The following PKP4 variants were observed in gnomAD, a reference collection of about 807,000 sequenced individuals.
The protein encoded by PKP4 is plakophilin 4, also known as plakophilin-4.
In PKP4, 90 loss-of-function variants were observed where a neutral mutation model predicts 145.1. The ratio of observed to expected loss-of-function variants is 0.62; its 90% CI spans 0.52 to 0.74. PKP4 has a LOEUF of 0.74. Ranked by LOEUF, PKP4 falls within the 30% of genes least tolerant of loss-of-function variation. PKP4 has a pLI of 0.00. For missense variants in PKP4, 1,340 were observed against 1,482.7 expected, an observed-to-expected ratio of 0.90 and a Z score of 1.58; for synonymous variants, 563 against 577.2, an observed-to-expected ratio of 0.98 and a Z score of 0.35.
chr2:158,607,151 A>G (rs763461039), intron 4 of PKP4, among the ~76,000 whole-genome samples: 10 of 152,184 alleles, frequency 6.6e-5, no homozygotes, highest in Non-Finnish European at 1.2e-4. Flanking sequence ...GAAAGATTGT[A>G]TTAATTTTCC....
At position 158,476,414 on chromosome 2, in the gene PKP4, T is replaced by G. The variant is rs373895135; in HGVS notation, c.-6+19196T>G. ...GGTGTGAGTATAGCTCACTGCAACC[T>G]TGACCTCCTGGGTTCAAGTGATCAT... On this transcript the variant is annotated intron_variant, in intron 1 of 21. Coordinates refer to ENST00000389759, the MANE Select transcript of PKP4 (RefSeq NM_003628.6). Among the ~76,000 whole-genome samples the G allele has an allele frequency of 1.3e-4, 20 of 152,292 alleles. 2 individuals are homozygous for G. Among genetic ancestry groups the G allele is most frequent in the South Asian group, 1.2e-3 (6 of 4,826 alleles).
chr2:158,520,023 T>A (rs927190809), intron 1 of PKP4, among the ~76,000 whole-genome samples: 16 of 152,200 alleles, frequency 1.1e-4, no homozygotes, highest in East Asian at 1.9e-4. Context: ...TCAAAAAGAT[T>A]TTCCTTTTTT....
intron 2 of PKP4, among the ~76,000 whole-genome samples, chr2:158,554,417 A>T (rs1429194124): frequency 4.0e-5 from 1 of 24,884 alleles, no homozygotes; most frequent in Non-Finnish European, 1.1e-4. Flanking sequence ...CTCAGAAATA[A>T]TTATTATTAT....
intron 1 of PKP4, among the ~76,000 whole-genome samples, chr2:158,531,473 A>G (rs1205407395): frequency 6.6e-6 from 1 of 152,196 alleles, no homozygotes; most frequent in Non-Finnish European, 1.5e-5. Context: ...CTTAAATGCT[A>G]ATCTAGGATC....
At chr2:158,562,440 C>T (rs1458416127) in intron 2 of PKP4, among the ~76,000 whole-genome samples, 2 of 152,094 alleles carry the variant, frequency 1.3e-5, no homozygotes, top group Non-Finnish European at 2.9e-5. Flanking sequence ...CTAGAGTAGT[C>T]GAATTCATAG....
rs2052657152 is a variant in PKP4, at chr2:158,625,275, GGTC to G, written c.1008_1010del (p.Ser337del). 1 of 1,614,054 alleles carries G rather than the reference GGTC, an allele frequency of 6.2e-7. No individual in the cohort carries two copies. Among genetic ancestry groups the G allele is most frequent in the Admixed American group, 1.7e-5 (1 of 60,004 alleles). On this transcript the variant is annotated inframe_deletion, in exon 7 of 22. Coordinates refer to ENST00000389759, the MANE Select transcript of PKP4 (RefSeq NM_003628.6). The stretch of plus-strand genomic sequence containing the variant: ...GCTTCCCCATCCCAAGGCCAGGTGG[GGTC>G]GTCGTCCCCCAAACGCTCAGGGATG...
At chr2:158,632,699 A>G (rs1228300552) in intron 8 of PKP4, 1 of 151,926 alleles carries the variant, frequency 6.6e-6, no homozygotes, top group African/African-American at 2.4e-5. Flanking sequence ...AGCAATAATA[A>G]CCCCTCAAAG....
chr2:158,555,878 C>G (rs553778870), intron 2 of PKP4, among the ~76,000 whole-genome samples: 3 of 152,238 alleles, frequency 2.0e-5, no homozygotes, highest in East Asian at 3.9e-4. Context: ...TAGGCCAAGT[C>G]CAAGTATAAT....
chr2:158,517,432 T>C lies in PKP4; in HGVS notation c.-5-15748T>C, dbSNP rs377062089. ...CCTGCCATCTGTGTTTCACCTCTTA[T>C]TTCCTCATTTATCTCACACTGCATT... is the stretch of plus-strand genomic sequence containing the variant. On this transcript the variant is annotated intron_variant, in intron 1 of 21. Coordinates refer to ENST00000389759, the MANE Select transcript of PKP4 (RefSeq NM_003628.6). Among the ~76,000 whole-genome samples the C allele has an allele frequency of 1.3e-4, 20 of 152,344 alleles. 2 individuals carry two copies. Among genetic ancestry groups the C allele is most frequent in the South Asian group, 1.2e-3 (6 of 4,824 alleles).
chr2:158,639,156 A>C (rs1212191089), intron 9 of PKP4, among the ~76,000 whole-genome samples: 1 of 152,252 alleles, frequency 6.6e-6, no homozygotes, highest in African/African-American at 2.4e-5. Context: ...TCTTGGCACA[A>C]AGCCTGATAT....
chr2:158,565,211 ATAT>A (rs1242118080), intron 2 of PKP4, among the ~76,000 whole-genome samples: 5 of 152,160 alleles, frequency 3.3e-5, no homozygotes, highest in Non-Finnish European at 7.4e-5. Context: ...GTACTGCCCG[ATAT>A]TATTATTTTT....
intron 1 of PKP4, among the ~76,000 whole-genome samples, chr2:158,514,182 A>C (rs1224248192): frequency 3.3e-5 from 5 of 152,204 alleles, no homozygotes; most frequent in Admixed American, 3.3e-4. Flanking sequence ...CCATTGAACA[A>C]ACACTTTTGA....
intron 2 of PKP4, among the ~76,000 whole-genome samples, chr2:158,550,143 A>ATACTATTAAATTCTATTTAT (rs564291706): frequency 1.4e-5 from 2 of 147,046 alleles, no homozygotes; most frequent in Admixed American, 6.8e-5. Flanking sequence ...TGCCAAGAAG[A>ATACTATTAAATTCTATTTAT]AGTTAAACAA....
intron 1 of PKP4, among the ~76,000 whole-genome samples, chr2:158,531,993 T>C (rs76478573): frequency 0.084 from 12,858 of 152,214 alleles, 752 homozygotes; most frequent in Middle Eastern, 0.22. Flanking sequence ...CACTAACATT[T>C]AAGCCAGGAG....
chr2:158,577,510 A>C, intron 3 of PKP4, 127 bp downstream of exon 3: 1 of 621,258 alleles, frequency 1.6e-6, no homozygotes, highest in African/African-American at 1.9e-5. Flanking sequence ...TTGAAACCAA[A>C]AATGTCCATT....
chr2:158,607,230 T>C (rs1326098021), intron 4 of PKP4, among the ~76,000 whole-genome samples: 1 of 152,190 alleles, frequency 6.6e-6, no homozygotes, highest in Non-Finnish European at 1.5e-5. Flanking sequence ...TATTTCTAAT[T>C]ATCTAGAGAA....
At chr2:158,614,189 G>A (rs1238788844) in intron 4 of PKP4, among the ~76,000 whole-genome samples, 1 of 152,148 alleles carries the variant, frequency 6.6e-6, no homozygotes, top group African/African-American at 2.4e-5. Flanking sequence ...ATGATCCGAC[G>A]TGAGAGATTT....
intron 2 of PKP4, among the ~76,000 whole-genome samples, chr2:158,576,264 A>G (rs1303423523): frequency 6.6e-6 from 1 of 152,252 alleles, no homozygotes; most frequent in Non-Finnish European, 1.5e-5. Flanking sequence ...ACATATAATC[A>G]TAAATAATAT....
At chr2:158,637,452 G>A (rs2053902523) in intron 9 of PKP4, among the ~76,000 whole-genome samples, 1 of 152,118 alleles carries the variant, frequency 6.6e-6, no homozygotes, top group Non-Finnish European at 1.5e-5. Flanking sequence ...CAAACCCGGA[G>A]AATCACCTCT....
Sources: allele counts gnomAD v4.1 joint callset (sites outside exome capture counted in the v4.1 genomes callset), GRCh38; gene constraint gnomAD v4.1.1; transcripts MANE v1.5; gene names NCBI Gene and HGNC (gene_info 2026-07-23, HGNC 2026-07-21).